The following ZNF736 variants were observed in gnomAD, a reference collection of about 807,000 sequenced individuals.
ZNF736 encodes zinc finger protein 736.
A neutral mutation model predicts 11.7 loss-of-function variants in ZNF736; 6 were observed. That is an observed-to-expected ratio of 0.51 (90% CI 0.28 to 1.01). The LOEUF (loss-of-function observed/expected upper bound fraction) is 1.01. Ranked by LOEUF, ZNF736 falls within the 50% of genes least tolerant of loss-of-function variation. ZNF736 has a pLI of 0.09. For missense variants in ZNF736, 444 were observed against 496.0 expected (o/e 0.90, Z 1.00); for synonymous variants, 139 against 164.7 (o/e 0.84, Z 1.19).
chr7:64,335,558 T>C (rs912186657), intron 1 of ZNF736, among the ~76,000 whole-genome samples: 4 of 152,182 alleles, frequency 2.6e-5, no homozygotes, highest in African/African-American at 7.2e-5. Context: ...CACTCTACAG[T>C]TCATTATTTT....
At position 64,347,813 on chromosome 7, in the gene ZNF736, A is replaced by G. The variant is rs536592875; in HGVS notation, c.227-277A>G. Among the ~76,000 whole-genome samples, 17 of 152,282 alleles carry G rather than the reference A, an allele frequency of 1.1e-4. No individual in the cohort carries two copies. In the East Asian group the frequency reaches 3.3e-3, roughly 30 times the overall value. ...CTATAGTTAGAGTCATCATAGGATG[A>G]AGAATGGCTGTGGTGGGTAAATATG... On this transcript the variant is annotated intron_variant, in intron 3 of 3. Coordinates refer to ENST00000423484, the MANE Select transcript of ZNF736 (RefSeq NM_001170905.3).
At position 64,354,204 on chromosome 7, in the gene ZNF736, T is replaced by A. The variant is rs1234203793; in HGVS notation, c.*5057T>A. The stretch of plus-strand genomic sequence containing the variant: ...AATTCTGAACAACTATTTATAAAAT[T>A]TTATCCTACTTTTTTCTGTTGAACA... On this transcript the variant is annotated 3_prime_UTR_variant, in exon 4 of 4. Transcript: ENST00000423484. 1 of 152,220 alleles carries A rather than the reference T, an allele frequency of 6.6e-6. No individual in the cohort carries two copies. The highest frequency in any genetic ancestry group is 1.5e-5 in the Non-Finnish European group (1 of 68,016). The allele number at this position is 152,220 out of a possible 1,614,324, so 9.4% of individuals were successfully genotyped here.
At position 64,314,117 on chromosome 7, in the gene ZNF736, T is replaced by C. The variant is rs1477529687; in HGVS notation, c.-34T>C. 2.6e-6 allele frequency: 4 copies of C among 1,551,710 alleles called. No homozygotes were observed. In the East Asian group the frequency reaches 7.3e-5, roughly 28 times the overall value. ...TGACCTGCAGGTACTGGGAGATCCA[T>C]AGGGAGGACGGCGGAACATCTGGAG... is the stretch of plus-strand genomic sequence containing the variant. On this transcript the variant is annotated 5_prime_UTR_variant, in exon 1 of 4. Transcript: ENST00000423484.
intron 1 of ZNF736, among the ~76,000 whole-genome samples, chr7:64,329,159 C>CTT (rs140270861): frequency 0.26 from 39,176 of 148,166 alleles, 6,098 homozygotes; most frequent in South Asian, 0.4. Context: ...TCTTTTTCTT[C>CTT]TTTTTTTTTT....
chr7:64,319,149 A>G (rs2115867725), intron 1 of ZNF736, among the ~76,000 whole-genome samples: 1 of 151,946 alleles, frequency 6.6e-6, no homozygotes, highest in South Asian at 2.1e-4. Context: ...TCATGTCGGC[A>G]AGAGAAGAAA....
intron 1 of ZNF736, among the ~76,000 whole-genome samples, chr7:64,330,549 T>TA (rs1282855239): frequency 6.6e-6 from 1 of 152,050 alleles, no homozygotes; most frequent in East Asian, 1.9e-4. Context: ...GCTACCTTGT[T>TA]ACGGCTACCC....
chr7:64,330,089 A>G (rs1381759967), intron 1 of ZNF736, among the ~76,000 whole-genome samples: 11 of 151,948 alleles, frequency 7.2e-5, no homozygotes, highest in Admixed American at 7.2e-4. Flanking sequence ...CTGAAGACCT[A>G]AGTGGTCTTC....
chr7:64,343,953 C>CTT (rs142010013), intron 3 of ZNF736, among the ~76,000 whole-genome samples: 46,968 of 147,196 alleles, frequency 0.32, 7,775 homozygotes, highest in African/African-American at 0.44. Context: ...TGTATATTTG[C>CTT]TTTTTTTTTT....
intron 3 of ZNF736, among the ~76,000 whole-genome samples, chr7:64,347,486 A>G (rs1318716608): frequency 3.9e-5 from 6 of 152,004 alleles, no homozygotes; most frequent in Admixed American, 3.9e-4. Flanking sequence ...TCAGCCTCCC[A>G]AAGTGCTGGG....
intron 1 of ZNF736, among the ~76,000 whole-genome samples, chr7:64,319,268 GTA>G (rs1179143396): frequency 1.4e-5 from 2 of 146,246 alleles, no homozygotes; most frequent in African/African-American, 2.5e-5. Flanking sequence ...GTGTGTGTGT[GTA>G]TATATAAAAT....
chr7:64,319,809 C>G (rs527519764), intron 1 of ZNF736, among the ~76,000 whole-genome samples: 1 of 67,716 alleles, frequency 1.5e-5, no homozygotes, highest in South Asian at 3.2e-4. Flanking sequence ...CATTTCTTTA[C>G]TTGTCTTTTT....
chr7:64,314,073 T>C lies in ZNF736; in HGVS notation c.-78T>C. The C allele has an allele frequency of 6.5e-7, 1 of 1,545,046 alleles. No homozygotes were observed. The highest frequency in any genetic ancestry group is 8.8e-7 in the Non-Finnish European group (1 of 1,141,326). On this transcript the variant is annotated 5_prime_UTR_variant, in exon 1 of 4. Coordinates refer to ENST00000423484, the MANE Select transcript of ZNF736 (RefSeq NM_001170905.3). The stretch of plus-strand genomic sequence containing the variant: ...TCCTGGAGTTCCTCGGTGACTCTAC[T>C]ATAGCTTCTGTTATCCTGTGACCTG...
intron 1 of ZNF736, among the ~76,000 whole-genome samples, chr7:64,314,996 G>A (rs182834710): frequency 6.6e-6 from 1 of 152,196 alleles, no homozygotes; most frequent in Non-Finnish European, 1.5e-5. Context: ...GATTTCTCAC[G>A]AATAGTTTAG....
rs62461461 is a variant in ZNF736 at position 64,356,412 on chromosome 7, T to C, written c.*7265T>C. Among the ~76,000 whole-genome samples the C allele has an allele frequency of 9.5e-3, 1,447 of 152,308 alleles. 13 individuals carry two copies. Among genetic ancestry groups the C allele is most frequent in the Non-Finnish European group, 0.016 (1,122 of 68,014 alleles). On this transcript the variant is annotated 3_prime_UTR_variant, in exon 4 of 4. Coordinates refer to ENST00000423484, the MANE Select transcript of ZNF736 (RefSeq NM_001170905.3). ...AAGTGTGTTGATTTCTAAGATAAAATATTTGAGAATTAATATTACCCAACT... is the reference window on the plus strand; with the variant it reads ...AAGTGTGTTGATTTCTAAGATAAAACATTTGAGAATTAATATTACCCAACT...
chr7:64,321,510 G>A (rs543635252), intron 1 of ZNF736, among the ~76,000 whole-genome samples: 2 of 152,282 alleles, frequency 1.3e-5, no homozygotes, highest in East Asian at 1.9e-4. Flanking sequence ...TCTTGAGACA[G>A]TAGCAGAGAA....
chr7:64,341,252 A>T (rs1789333584), intron 3 of ZNF736, among the ~76,000 whole-genome samples: 1 of 151,624 alleles, frequency 6.6e-6, no homozygotes, highest in Non-Finnish European at 1.5e-5. Context: ...GATAATGCAA[A>T]GATCTTCTTA....
intron 1 of ZNF736, among the ~76,000 whole-genome samples, chr7:64,325,734 C>T (rs1789074447): frequency 6.6e-6 from 1 of 152,136 alleles, no homozygotes; most frequent in African/African-American, 2.4e-5. Flanking sequence ...AATGTATGTA[C>T]ATCATTTAAA....
intron 1 of ZNF736, among the ~76,000 whole-genome samples, chr7:64,327,130 T>C (rs966938101): frequency 3.9e-5 from 6 of 152,192 alleles, no homozygotes; most frequent in Admixed American, 3.9e-4. Flanking sequence ...ATCTGTCTAC[T>C]GTTTAAAGTC....
At chr7:64,337,673 C>T (rs1584273023) in intron 3 of ZNF736, among the ~76,000 whole-genome samples, 1 of 151,396 alleles carries the variant, frequency 6.6e-6, no homozygotes, top group Non-Finnish European at 1.5e-5. Context: ...CTACTTCATA[C>T]GTTTATTAAA....
Sources: gnomAD v4.1 joint callset for allele counts (sites outside exome capture counted in the v4.1 genomes callset) on GRCh38, gnomAD v4.1.1 for gene constraint, MANE v1.5 for transcripts, NCBI Gene and HGNC (gene_info 2026-07-23, HGNC 2026-07-21) for gene names.